PAN3: variants seen among roughly 807,000 people sequenced by gnomAD.
PAN3 encodes poly(A) specific ribonuclease subunit PAN3.
PAN3 carries 19 observed loss-of-function variants against 96.2 expected under a neutral mutation model. The ratio of observed to expected loss-of-function variants is 0.20; its 90% confidence interval spans 0.14 to 0.29. PAN3 has a LOEUF of 0.29. Ranked by LOEUF, PAN3 falls within the 10% of genes least tolerant of loss-of-function variation. The pLI is 1.00. For synonymous variants in PAN3, 433 were observed against 406.6 expected (o/e 1.06, Z -0.78); for missense variants, 882 against 1,108.1 (o/e 0.80, Z 2.90).
intron 18 of PAN3, among the ~76,000 whole-genome samples, chr13:28,289,032 T>G (rs1395893875): frequency 3.3e-5 from 5 of 151,868 alleles, no homozygotes; most frequent in African/African-American, 1.2e-4. Flanking sequence ...TTCACCATGT[T>G]AGCCAGGATG....
At chr13:28,216,567 A>G (rs1880796912) in intron 5 of PAN3, among the ~76,000 whole-genome samples, 1 of 152,202 alleles carries the variant, frequency 6.6e-6, no homozygotes, top group Non-Finnish European at 1.5e-5. Context: ...TACTGATACC[A>G]ATTTACAGAG....
At chr13:28,217,841 A>AG (rs941572701) in intron 5 of PAN3, among the ~76,000 whole-genome samples, 3 of 774 alleles carry the variant, frequency 3.9e-3, no homozygotes, top group Admixed American at 0.028. Flanking sequence ...GTAAAACTTT[A>AG]GTTTTTTTTA....
At chr13:28,262,381 A>G (rs1365474204) in intron 9 of PAN3, among the ~76,000 whole-genome samples, 1 of 152,202 alleles carries the variant, frequency 6.6e-6, no homozygotes, top group Non-Finnish European at 1.5e-5. Context: ...ATTTGCCATA[A>G]AGATCTCAAA....
At chr13:28,221,392 A>G (rs1881396176) in intron 6 of PAN3, among the ~76,000 whole-genome samples, 1 of 152,144 alleles carries the variant, frequency 6.6e-6, no homozygotes, top group East Asian at 1.9e-4. Flanking sequence ...ACACACTAAA[A>G]CAAAGCCAAA....
intron 17 of PAN3, among the ~76,000 whole-genome samples, chr13:28,284,374 T>C (rs1293069627): frequency 2.7e-5 from 4 of 149,564 alleles, no homozygotes; most frequent in African/African-American, 1.0e-4. Context: ...GATTCACTCT[T>C]TTTGTGATTT....
chr13:28,175,590 G>C (rs781097982), intron 2 of PAN3, among the ~76,000 whole-genome samples: 2 of 152,092 alleles, frequency 1.3e-5, no homozygotes, highest in Non-Finnish European at 1.5e-5. Flanking sequence ...CTGATTTTAA[G>C]GGTTTGTATG....
chr13:28,235,682 T>TATACACAC (rs763764468), intron 6 of PAN3, among the ~76,000 whole-genome samples: 4 of 123,402 alleles, frequency 3.2e-5, no homozygotes, highest in African/African-American at 1.4e-4. Context: ...TTCTCTAATA[T>TATACACAC]ACACACACAC....
intron 5 of PAN3, among the ~76,000 whole-genome samples, chr13:28,211,406 G>T (rs1233268673): frequency 6.6e-6 from 1 of 152,172 alleles, no homozygotes; most frequent in Admixed American, 6.5e-5. Context: ...CTGTGACTTG[G>T]TGCTTCAAAG....
At chr13:28,202,955 C>T (rs1878916265) in intron 5 of PAN3, among the ~76,000 whole-genome samples, 1 of 151,970 alleles carries the variant, frequency 6.6e-6, no homozygotes, top group African/African-American at 2.4e-5. Flanking sequence ...TTTTTTCTTT[C>T]TTTCTTTCTT....
intron 4 of PAN3, among the ~76,000 whole-genome samples, chr13:28,196,025 TG>T (rs1208536886): frequency 2.7e-5 from 4 of 150,288 alleles, no homozygotes; most frequent in Admixed American, 2.0e-4. Flanking sequence ...GGTTTTTTTT[TG>T]TTTTTTTTTT....
At chr13:28,173,456 C>T (rs572438257) in intron 1 of PAN3, among the ~76,000 whole-genome samples, 2 of 152,138 alleles carry the variant, frequency 1.3e-5, no homozygotes, top group East Asian at 1.9e-4. Context: ...AGTACATTTT[C>T]GTTATGGATG....
chr13:28,141,825 C>T (rs190729340), intron 1 of PAN3, among the ~76,000 whole-genome samples: 1 of 151,976 alleles, frequency 6.6e-6, no homozygotes, highest in East Asian at 1.9e-4. Flanking sequence ...AGGATGTAAG[C>T]AGATGAAGAT....
chr13:28,285,602 A>T (rs1303027873), intron 17 of PAN3, among the ~76,000 whole-genome samples: 1 of 152,148 alleles, frequency 6.6e-6, no homozygotes, highest in African/African-American at 2.4e-5. Flanking sequence ...TGTTTCTTTA[A>T]TAACTTCTTG....
rs759729387 is a variant in PAN3 at position 28,197,319 on chromosome 13, G to C, written c.825G>C (p.Trp275Cys). The change falls in exon 5 of 19, where the codon TGG (tryptophan) becomes TGC (cysteine). Residue 275 changes from tryptophan to cysteine, a missense_variant. Coordinates refer to ENST00000380958, the MANE Select transcript of PAN3 (RefSeq NM_175854.8). ...KSGVPINMVWWNRVTENNLQT... is the reference protein window; with the variant it reads ...KSGVPINMVWCNRVTENNLQT... ...GAGTACCCATCAATATGGTTTGGTGGAACAGAGTCACAGAAAACAATTTAC... is the reference window on the plus strand; with the variant it reads ...GAGTACCCATCAATATGGTTTGGTGCAACAGAGTCACAGAAAACAATTTAC... 6.2e-7 allele frequency: 1 copy of C among 1,607,932 alleles called. No individual in the cohort carries two copies. Among genetic ancestry groups the C allele is most frequent in the Non-Finnish European group, 8.5e-7 (1 of 1,177,152 alleles).
At chr13:28,162,637 ACT>A (rs1873025439) in intron 1 of PAN3, among the ~76,000 whole-genome samples, 1 of 149,794 alleles carries the variant, frequency 6.7e-6, no homozygotes, top group Non-Finnish European at 1.5e-5. Context: ...ACAGAGTGAG[ACT>A]CTGCCTTAAA....
chr13:28,215,851 C>A, intron 5 of PAN3: 1 of 1,390,514 alleles, frequency 7.2e-7, no homozygotes, highest in Non-Finnish European at 1.0e-6. Flanking sequence ...GCTGCTGGAG[C>A]TGGCAAGGTC....
At chr13:28,255,051 T>G (rs1885027712) in intron 6 of PAN3, among the ~76,000 whole-genome samples, 1 of 152,218 alleles carries the variant, frequency 6.6e-6, no homozygotes, top group Non-Finnish European at 1.5e-5. Flanking sequence ...CACCTACATG[T>G]TTTCAGAAAA....
intron 5 of PAN3, among the ~76,000 whole-genome samples, chr13:28,210,784 C>T (rs1879934252): frequency 6.6e-6 from 1 of 152,146 alleles, no homozygotes; most frequent in African/African-American, 2.4e-5. Context: ...CCTGGGGATT[C>T]TTGTTACCAT....
chr13:28,292,305 T>C (rs1205314536), intron 18 of PAN3, 77 bp from the exon 19 acceptor site: 1 of 1,390,582 alleles, frequency 7.2e-7, no homozygotes, highest in Non-Finnish European at 9.6e-7. Flanking sequence ...AGATATTTTA[T>C]TTATTTTTGC....
Sources: allele counts gnomAD v4.1 joint callset (sites outside exome capture counted in the v4.1 genomes callset), GRCh38; gene constraint gnomAD v4.1.1; transcripts MANE v1.5; gene names NCBI Gene and HGNC (gene_info 2026-07-23, HGNC 2026-07-21).